TFPI: variants seen among roughly 807,000 people sequenced by gnomAD.
TFPI encodes tissue factor pathway inhibitor, also known as anti-convertin.
A neutral mutation model predicts 34.6 loss-of-function variants in TFPI; 15 were observed. The ratio of observed to expected loss-of-function variants is 0.43; its 90% confidence interval spans 0.29 to 0.67. The LOEUF is 0.67. TFPI is among the 30% of genes least tolerant of loss of function. The pLI is 0.15. For missense variants in TFPI, 301 were observed against 364.0 expected, an observed-to-expected ratio of 0.83 and a Z score of 1.41; for synonymous variants, 105 against 120.1, an observed-to-expected ratio of 0.87 and a Z score of 0.82.
intron 6 of TFPI, among the ~76,000 whole-genome samples, chr2:187,477,510 G>A (rs956523041): frequency 6.6e-6 from 1 of 152,044 alleles, no homozygotes; most frequent in Non-Finnish European, 1.5e-5. Flanking sequence ...TGCTTGTGAT[G>A]GCCTGTGGTA....
intron 3 of TFPI, among the ~76,000 whole-genome samples, chr2:187,493,784 C>G (rs1685278319): frequency 1.3e-5 from 2 of 152,166 alleles, no homozygotes; most frequent in African/African-American, 4.8e-5. Flanking sequence ...TGAGAGTCAG[C>G]TTTGCTCAAC....
intron 1 of TFPI, among the ~76,000 whole-genome samples, chr2:187,521,439 TTTTTTA>T (rs1436222595): frequency 6.6e-6 from 1 of 152,116 alleles, no homozygotes; most frequent in Non-Finnish European, 1.5e-5. Context: ...TTTTAATTCT[TTTTTTA>T]TATGTACCCA....
At chr2:187,495,549 T>G (rs775617270) in intron 3 of TFPI, among the ~76,000 whole-genome samples, 7 of 152,166 alleles carry the variant, frequency 4.6e-5, no homozygotes, top group Non-Finnish European at 1.0e-4. Context: ...TGCTGTGAGG[T>G]TAAAGAAATA....
intron 1 of TFPI, among the ~76,000 whole-genome samples, chr2:187,531,214 T>TAG (rs1687939403): frequency 1.3e-5 from 2 of 152,312 alleles, no homozygotes; most frequent in South Asian, 4.1e-4. Flanking sequence ...GGGCCAGTAC[T>TAG]AGAGAGGCTG....
At chr2:187,543,201 T>C (rs578087097) in intron 1 of TFPI, among the ~76,000 whole-genome samples, 1 of 152,318 alleles carries the variant, frequency 6.6e-6, no homozygotes, top group African/African-American at 2.4e-5. Flanking sequence ...AATATTAAAA[T>C]GGCTATGTGC....
At chr2:187,476,312 G>A (rs1418170562) in intron 6 of TFPI, among the ~76,000 whole-genome samples, 2 of 152,030 alleles carry the variant, frequency 1.3e-5, no homozygotes, top group African/African-American at 2.4e-5. Context: ...GTCCCTAGAA[G>A]AGGCAGAGTT....
At chr2:187,509,592 G>A (rs1438358350) in intron 1 of TFPI, among the ~76,000 whole-genome samples, 1 of 152,134 alleles carries the variant, frequency 6.6e-6, no homozygotes, top group Non-Finnish European at 1.5e-5. Flanking sequence ...GTGTAGAGGT[G>A]TTTATAGTAT....
At position 187,521,642 on chromosome 2, in the gene TFPI, C is replaced by CA. The variant is rs571411759; in HGVS notation, c.-2-17873dup. 2.7e-4 allele frequency among the ~76,000 whole-genome samples: 41 copies of CA among 152,184 alleles called. 1 individual carries two copies. The South Asian group carries it at 7.5e-3, about 28-fold the overall frequency. On this transcript the variant is annotated intron_variant, in intron 1 of 7. Coordinates refer to ENST00000233156, the MANE Select transcript of TFPI (RefSeq NM_006287.6). ...AGAGGGCAAAGGTGCAGTCTCGGCT[C>CA]ACTGCAACCTCCACCTCCCGGGTTC...
chr2:187,548,229 C>G (rs1178174642), intron 1 of TFPI, among the ~76,000 whole-genome samples: 1 of 151,932 alleles, frequency 6.6e-6, no homozygotes, highest in African/African-American at 2.4e-5. Flanking sequence ...AATATAAAGT[C>G]TTCTTTATTG....
intron 6 of TFPI, among the ~76,000 whole-genome samples, chr2:187,474,552 C>T (rs1692249491): frequency 6.6e-6 from 1 of 152,050 alleles, no homozygotes; most frequent in Non-Finnish European, 1.5e-5. Context: ...TTGTTGAATA[C>T]ATGAAGCAAA....
intron 7 of TFPI, among the ~76,000 whole-genome samples, chr2:187,467,325 G>A (rs1691766594): frequency 6.6e-6 from 1 of 151,836 alleles, no homozygotes; most frequent in Admixed American, 6.6e-5. Flanking sequence ...GTAGAAATGT[G>A]GTTGTATGTG....
At chr2:187,497,448 C>T (rs1303994099) in intron 2 of TFPI, among the ~76,000 whole-genome samples, 1 of 151,940 alleles carries the variant, frequency 6.6e-6, no homozygotes, top group Non-Finnish European at 1.5e-5. Context: ...ACTTTTTACA[C>T]ATAAAACAAC....
intron 6 of TFPI, among the ~76,000 whole-genome samples, chr2:187,477,237 A>G (rs939326377): frequency 6.6e-6 from 1 of 152,198 alleles, no homozygotes; most frequent in South Asian, 2.1e-4. Context: ...TCTCATCAGC[A>G]TTCCTGTCAG....
chr2:187,531,281 G>C (rs1559149170), intron 1 of TFPI, among the ~76,000 whole-genome samples: 1 of 152,136 alleles, frequency 6.6e-6, no homozygotes, highest in Non-Finnish European at 1.5e-5. Context: ...TGACTGTAGA[G>C]TCTCTAATAT....
intron 6 of TFPI, among the ~76,000 whole-genome samples, chr2:187,469,095 A>C (rs868121460): frequency 1.8e-4 from 27 of 152,076 alleles, no homozygotes; most frequent in African/African-American, 6.0e-4. Flanking sequence ...AAAATGAAAA[A>C]AAATCTCAAA....
At chr2:187,503,827 A>G (rs1311905441) in intron 1 of TFPI, 57 bp from the exon 2 acceptor site, 1 of 1,585,066 alleles carries the variant, frequency 6.3e-7, no homozygotes, top group East Asian at 2.2e-5. Context: ...GCACTCATTT[A>G]CAGACTAGTA....
intron 1 of TFPI, among the ~76,000 whole-genome samples, chr2:187,526,205 G>T (rs1687668376): frequency 6.6e-6 from 1 of 152,190 alleles, no homozygotes; most frequent in East Asian, 1.9e-4. Flanking sequence ...AAATATAACT[G>T]AAAAATAGCA....
chr2:187,552,760 G>C (rs879693172), intron 1 of TFPI, among the ~76,000 whole-genome samples: 1 of 151,960 alleles, frequency 6.6e-6, no homozygotes, highest in Non-Finnish European at 1.5e-5. Context: ...ATAGAGATAG[G>C]AATCAAATAG....
At chr2:187,494,197 C>A (rs1685313196) in intron 3 of TFPI, among the ~76,000 whole-genome samples, 1 of 151,980 alleles carries the variant, frequency 6.6e-6, no homozygotes, top group African/African-American at 2.4e-5. Context: ...CCCCATCCCC[C>A]ATGATTCAAT....
Sources: allele counts gnomAD v4.1 joint callset (sites outside exome capture counted in the v4.1 genomes callset), GRCh38; gene constraint gnomAD v4.1.1; transcripts MANE v1.5; gene names NCBI Gene and HGNC (gene_info 2026-07-23, HGNC 2026-07-21).